ZBTB46: variants seen among roughly 807,000 people sequenced by gnomAD.
The protein encoded by ZBTB46 is zinc finger and BTB domain containing 46, also known as zinc finger and BTB domain-containing protein 46.
Under a neutral mutation model 44.1 loss-of-function variants are expected in ZBTB46, and 8 were observed. The ratio of observed to expected loss-of-function variants is 0.18; its 90% CI spans 0.11 to 0.33. ZBTB46 has a LOEUF of 0.33. Ranked by LOEUF, ZBTB46 falls within the 10% of genes least tolerant of loss-of-function variation. ZBTB46 has a pLI of 1.00. For missense variants in ZBTB46, 651 were observed against 847.7 expected (o/e 0.77, Z 2.88); for synonymous variants, 409 against 382.3 (o/e 1.07, Z -0.81).
intron 3 of ZBTB46, among the ~76,000 whole-genome samples, chr20:63,754,816 G>T (rs2092205211): frequency 6.6e-6 from 1 of 150,888 alleles, no homozygotes. Flanking sequence ...AGCCAGGATG[G>T]TCTCGATCTC....
At chr20:63,756,610 T>C (rs920179610) in intron 3 of ZBTB46, among the ~76,000 whole-genome samples, 1 of 152,248 alleles carries the variant, frequency 6.6e-6, no homozygotes, top group African/African-American at 2.4e-5. Context: ...CGTATACAGC[T>C]CAATGAACTT....
chr20:63,827,252 A>G (rs1026247077), intron 1 of ZBTB46, among the ~76,000 whole-genome samples: 2 of 152,224 alleles, frequency 1.3e-5, no homozygotes, highest in Non-Finnish European at 2.9e-5. Flanking sequence ...GTAACACCAA[A>G]GAGCTGTCAT....
chr20:63,770,248 G>C (rs940457713), intron 3 of ZBTB46, among the ~76,000 whole-genome samples: 1 of 152,198 alleles, frequency 6.6e-6, no homozygotes, highest in African/African-American at 2.4e-5. Flanking sequence ...CACACCTCAA[G>C]GCCCCAGGAG....
At chr20:63,798,355 C>A (rs2092618692) in intron 1 of ZBTB46, among the ~76,000 whole-genome samples, 1 of 151,798 alleles carries the variant, frequency 6.6e-6, no homozygotes, top group South Asian at 2.1e-4. Flanking sequence ...TATTGGAAAC[C>A]CGGTCTTTAC....
At chr20:63,822,164 C>T (rs768624189) in intron 1 of ZBTB46, among the ~76,000 whole-genome samples, 64 of 152,170 alleles carry the variant, frequency 4.2e-4, no homozygotes, top group Non-Finnish European at 8.1e-4. Context: ...GATACACTCC[C>T]GAAACAGGCA....
intron 1 of ZBTB46, among the ~76,000 whole-genome samples, chr20:63,821,816 T>C (rs1457420867): frequency 6.6e-6 from 1 of 152,178 alleles, no homozygotes; most frequent in African/African-American, 2.4e-5. Flanking sequence ...TAACCTGAAA[T>C]GTTTCATTCA....
At chr20:63,761,973 C>G (rs6010645) in intron 3 of ZBTB46, among the ~76,000 whole-genome samples, 1 of 152,052 alleles carries the variant, frequency 6.6e-6, no homozygotes, top group African/African-American at 2.4e-5. Context: ...TTTGTTGAAC[C>G]TGAATTATGG....
chr20:63,779,525 T>C (rs2092452504), intron 2 of ZBTB46, among the ~76,000 whole-genome samples: 1 of 149,758 alleles, frequency 6.7e-6, no homozygotes, highest in Non-Finnish European at 1.5e-5. Context: ...GTTCACGCCA[T>C]TCTCCTGCCT....
chr20:63,776,614 G>A (rs1446215578), intron 2 of ZBTB46, among the ~76,000 whole-genome samples: 2 of 152,092 alleles, frequency 1.3e-5, no homozygotes, highest in Non-Finnish European at 2.9e-5. Flanking sequence ...GGCCAGCCTG[G>A]CCAACATGGT....
chr20:63,798,398 C>T (rs183378205), intron 1 of ZBTB46, among the ~76,000 whole-genome samples: 321 of 151,926 alleles, frequency 2.1e-3, no homozygotes, highest in Non-Finnish European at 3.6e-3. Context: ...GCGTTGGCCG[C>T]GCGTGGTGGC....
At chr20:63,748,274 T>C (rs890161606) in intron 4 of ZBTB46, among the ~76,000 whole-genome samples, 7 of 152,316 alleles carry the variant, frequency 4.6e-5, no homozygotes, top group African/African-American at 1.7e-4. Context: ...GGCAGCACCC[T>C]GAAGAGGGCC....
At chr20:63,778,176 G>A (rs908221945) in intron 2 of ZBTB46, among the ~76,000 whole-genome samples, 4 of 152,118 alleles carry the variant, frequency 2.6e-5, no homozygotes, top group Admixed American at 2.6e-4. Flanking sequence ...ATGGGTGAGT[G>A]GGGTGTGAAT....
rs6011097 is a variant in ZBTB46, at chr20:63,767,472, G to A, written c.1222+8206C>T. Among the ~76,000 whole-genome samples the A allele has an allele frequency of 0.82, 124,305 of 152,036 alleles. 51,068 individuals carry two copies. Among genetic ancestry groups the A allele is most frequent in the Middle Eastern group, 0.84 (248 of 294 alleles). On this transcript the variant is annotated intron_variant, in intron 3 of 4. Coordinates refer to ENST00000245663, the MANE Select transcript of ZBTB46 (RefSeq NM_001369741.1). This position sits in a 1 kb window ranked among gnomAD's most constrained non-coding sequence, Gnocchi z 5.0. ...CACCGGCTCCCAGTCACAGCTCTCCGCAGATATCCCCCTCCGACGCGGCTG... is the reference window on the plus strand; with the variant it reads ...CACCGGCTCCCAGTCACAGCTCTCCACAGATATCCCCCTCCGACGCGGCTG...
rs769943918 is a variant in ZBTB46 at position 63,746,966 on chromosome 20, T to C, written c.1734A>G (p.Pro578=). 1 of 1,596,072 alleles carries C rather than the reference T, an allele frequency of 6.3e-7. No individual in the cohort carries two copies. The highest frequency in any genetic ancestry group is 1.1e-5 in the South Asian group (1 of 89,340). Reference sequence around the variant, plus strand: ...AGGCGAAGTCCTTGTCAGGGCCTCCTGGGGGGCTGCGCGGCCGCGGCGAGT... The same window carrying C: ...AGGCGAAGTCCTTGTCAGGGCCTCCCGGGGGGCTGCGCGGCCGCGGCGAGT... ...EEDSPRPRSP[P]GGPDKDFAWL... is the part of the protein sequence containing the mutation. Residue 578 remains proline (P), a synonymous_variant, in exon 5 of 5, where the codon CCA becomes CCG. Transcript: ENST00000245663.
Position 63,792,906 on chromosome 20 carries a change from G to A in ZBTB46, c.-33-2116C>T, listed in dbSNP as rs557144842. 4.6e-5 allele frequency among the ~76,000 whole-genome samples: 7 copies of A among 152,324 alleles called. No individual in the cohort carries two copies. In the East Asian group the frequency reaches 1.2e-3, roughly 25 times the overall value. ...AAAGGAGAGAGAAGCTTTTGTGCCT[G>A]TCTCTGCCTTCAGGGTCCTGGGCCA... is the stretch of plus-strand genomic sequence containing the variant. On this transcript the variant is annotated intron_variant, in intron 1 of 4. Coordinates refer to ENST00000245663, the MANE Select transcript of ZBTB46 (RefSeq NM_001369741.1).
At chr20:63,771,423 G>A (rs553434629) in intron 3 of ZBTB46, among the ~76,000 whole-genome samples, 3 of 152,280 alleles carry the variant, frequency 2.0e-5, no homozygotes, top group African/African-American at 2.4e-5. Context: ...CGGTCCCGCC[G>A]GGCCTGGCGC....
At chr20:63,765,063 ATGTGCATGTGTGCGTGTGCATG>A (rs2092308195) in intron 3 of ZBTB46, among the ~76,000 whole-genome samples, 3 of 114,258 alleles carry the variant, frequency 2.6e-5, no homozygotes, top group South Asian at 3.1e-4. Context: ...GTATGTTTGT[ATGTGCATGTGTGCGTGTGCATG>A]TGTGCATGTG....
intron 1 of ZBTB46, among the ~76,000 whole-genome samples, chr20:63,812,531 C>T (rs929512169): frequency 1.3e-5 from 2 of 152,108 alleles, no homozygotes; most frequent in Admixed American, 1.3e-4. Flanking sequence ...AATCCCAGTG[C>T]TTTGGGAGGT....
chr20:63,793,077 T>C (rs2092574026), intron 1 of ZBTB46, among the ~76,000 whole-genome samples: 1 of 152,036 alleles, frequency 6.6e-6, no homozygotes, highest in Non-Finnish European at 1.5e-5. Context: ...CCGCTGACCA[T>C]TACAGGAAGG....
Sources: gnomAD v4.1 joint callset for allele counts (sites outside exome capture counted in the v4.1 genomes callset) on GRCh38, gnomAD v4.1.1 for gene constraint, Gnocchi (gnomAD v3.1) non-coding constraint, MANE v1.5 for transcripts, NCBI Gene and HGNC (gene_info 2026-07-23, HGNC 2026-07-21) for gene names.